Variants in PARVA observed in about 807,000 individuals in gnomAD.
PARVA encodes the protein parvin alpha.
PARVA carries 25 observed loss-of-function variants against 52.6 expected under a neutral mutation model. That is an observed-to-expected ratio of 0.48 (90% CI 0.35 to 0.66). The LOEUF (loss-of-function observed/expected upper bound fraction) is 0.66. Among genes scored for constraint, PARVA ranks in the 30% least tolerant of loss-of-function variants. The probability of loss-of-function intolerance (pLI) is 0.01; values close to 1 mark genes in which losing one functional copy is unlikely to be tolerated. For missense variants in PARVA, 373 were observed against 450.9 expected (o/e 0.83, Z 1.56); for synonymous variants, 185 against 179.1 (o/e 1.03, Z -0.26).
At chr11:12,406,156 AG>A (rs1939902860) in intron 1 of PARVA, among the ~76,000 whole-genome samples, 1 of 152,272 alleles carries the variant, frequency 6.6e-6, no homozygotes, top group Non-Finnish European at 1.5e-5. Context: ...GAGTTGGCTC[AG>A]GTGATTGTGG....
intron 5 of PARVA, among the ~76,000 whole-genome samples, chr11:12,499,498 A>G (rs1270293364): frequency 6.6e-6 from 1 of 151,948 alleles, no homozygotes; most frequent in East Asian, 1.9e-4. Context: ...CAAAGTGCAG[A>G]TAAATTTAAA....
intron 1 of PARVA, among the ~76,000 whole-genome samples, chr11:12,389,663 G>A (rs1333495651): frequency 2.6e-5 from 4 of 152,216 alleles, no homozygotes; most frequent in Admixed American, 2.6e-4. Flanking sequence ...ACAAGAGAAG[G>A]GATGGGCTTT....
At chr11:12,389,090 T>C (rs1438972233) in intron 1 of PARVA, among the ~76,000 whole-genome samples, 1 of 152,060 alleles carries the variant, frequency 6.6e-6, no homozygotes, top group Non-Finnish European at 1.5e-5. Flanking sequence ...AAAACCAACA[T>C]TGTGAGGCTG....
At chr11:12,481,065 T>G (rs1026432027) in intron 4 of PARVA, among the ~76,000 whole-genome samples, 15 of 148,596 alleles carry the variant, frequency 1.0e-4, no homozygotes, top group African/African-American at 3.4e-4. Context: ...ACTGTTTTTC[T>G]CTTTTTAATT....
chr11:12,416,681 A>G (rs1940071633), intron 1 of PARVA, among the ~76,000 whole-genome samples: 1 of 151,954 alleles, frequency 6.6e-6, no homozygotes. Context: ...GAGAGAAAGA[A>G]GGAGAACAAT....
chr11:12,486,868 A>G (rs975608112), intron 4 of PARVA, among the ~76,000 whole-genome samples: 9 of 152,150 alleles, frequency 5.9e-5, no homozygotes, highest in Admixed American at 6.5e-5. Context: ...AAAATAAAGG[A>G]AGAAGATGAA....
intron 1 of PARVA, 71 bp downstream of exon 1, chr11:12,377,854 A>C: frequency 1.6e-6 from 2 of 1,221,454 alleles, no homozygotes; most frequent in South Asian, 2.0e-5. Flanking sequence ...GGGCCGGGGC[A>C]CTGGGACCGG....
intron 12 of PARVA, among the ~76,000 whole-genome samples, chr11:12,524,903 G>A (rs547780803): frequency 2.4e-4 from 37 of 152,354 alleles, no homozygotes; most frequent in African/African-American, 8.4e-4. Context: ...GGAAGCATGT[G>A]GGAGTTTTGA....
chr11:12,474,546 G>A (rs1005252407), intron 3 of PARVA, among the ~76,000 whole-genome samples: 2 of 152,126 alleles, frequency 1.3e-5, no homozygotes, highest in Non-Finnish European at 2.9e-5. Context: ...TAACCAAGCT[G>A]CACTTAAGAC....
intron 4 of PARVA, among the ~76,000 whole-genome samples, chr11:12,493,674 C>G (rs533300880): frequency 6.6e-6 from 1 of 150,586 alleles, no homozygotes; most frequent in Non-Finnish European, 1.5e-5. Flanking sequence ...GTACCATAGA[C>G]TAGTTAAATA....
intron 1 of PARVA, 100 bp from the exon 2 acceptor site, chr11:12,473,645 G>A (rs1326096257): frequency 2.3e-6 from 2 of 878,650 alleles, no homozygotes; most frequent in Middle Eastern, 5.2e-4. Flanking sequence ...CCCTTAGTGG[G>A]TTTTTTTCTC....
At chr11:12,510,603 A>T (rs554329725) in intron 7 of PARVA, among the ~76,000 whole-genome samples, 1 of 152,322 alleles carries the variant, frequency 6.6e-6, no homozygotes, top group South Asian at 2.1e-4. Context: ...CTGGACTTAC[A>T]GTTCCACATG....
intron 4 of PARVA, chr11:12,479,154 C>G (rs190557638): frequency 6.6e-6 from 1 of 152,330 alleles, no homozygotes; most frequent in African/African-American, 2.4e-5. Flanking sequence ...ATTAACATGC[C>G]TGTACCTTTG....
chr11:12,494,231 G>A (rs898159400), intron 4 of PARVA, among the ~76,000 whole-genome samples: 5 of 152,084 alleles, frequency 3.3e-5, no homozygotes, highest in African/African-American at 1.2e-4. Context: ...GAACATTTTC[G>A]GCCAGAGTTT....
chr11:12,511,294 G>A (rs906993295), intron 7 of PARVA, among the ~76,000 whole-genome samples: 4 of 152,152 alleles, frequency 2.6e-5, no homozygotes, highest in Non-Finnish European at 4.4e-5. Flanking sequence ...TGTAACTGGG[G>A]GGAAAATGGG....
chr11:12,472,492 A>G (rs944540562), intron 1 of PARVA, among the ~76,000 whole-genome samples: 1 of 152,280 alleles, frequency 6.6e-6, no homozygotes, highest in Middle Eastern at 3.4e-3. Flanking sequence ...AAAGGTACTA[A>G]ATACCAGCCT....
intron 1 of PARVA, among the ~76,000 whole-genome samples, chr11:12,443,846 C>T (rs1940505736): frequency 6.6e-6 from 1 of 152,198 alleles, no homozygotes; most frequent in Admixed American, 6.5e-5. Context: ...TCTCCTCTAC[C>T]TTCAAGTTCT....
At chr11:12,486,262 C>T (rs1941157362) in intron 4 of PARVA, among the ~76,000 whole-genome samples, 1 of 152,112 alleles carries the variant, frequency 6.6e-6, no homozygotes, top group Admixed American at 6.6e-5. Flanking sequence ...GGCTGGGCGC[C>T]GTGGCTCACA....
At chr11:12,527,763 G>T in intron 12 of PARVA, 86 bp from the exon 13 acceptor site, 1 of 972,650 alleles carries the variant, frequency 1.0e-6, no homozygotes, top group South Asian at 1.3e-5. Context: ...GGGATTGGGT[G>T]GTGGGTGGAA....
Sources: gnomAD v4.1 joint callset for allele counts (sites outside exome capture counted in the v4.1 genomes callset) on GRCh38, gnomAD v4.1.1 for gene constraint, MANE v1.5 for transcripts, NCBI Gene and HGNC (gene_info 2026-07-23, HGNC 2026-07-21) for gene names.